Variants in LRRC4C observed in about 807,000 individuals in gnomAD.
LRRC4C encodes leucine rich repeat containing 4C, also known as leucine-rich repeat-containing protein 4C.
LRRC4C carries 5 observed loss-of-function variants against 33.6 expected under a neutral mutation model. The ratio of observed to expected loss-of-function variants is 0.15; its 90% confidence interval spans 0.08 to 0.31. The LOEUF (loss-of-function observed/expected upper bound fraction) is 0.31, where lower values mean the gene tolerates loss of function less well. Among genes scored for constraint, LRRC4C ranks in the 10% least tolerant of loss-of-function variants. LRRC4C has a pLI of 1.00. For synonymous variants in LRRC4C, 329 were observed against 302.0 expected (o/e 1.09, Z -0.93); for missense variants, 560 against 796.7 (o/e 0.70, Z 3.58).
intron 2 of LRRC4C, among the ~76,000 whole-genome samples, chr11:40,824,316 G>A (rs527761273): frequency 6.6e-6 from 1 of 151,886 alleles, no homozygotes; most frequent in South Asian, 2.1e-4. Flanking sequence ...CTGTTAAGAT[G>A]TATAGAATAT....
In LRRC4C at chr11:40,822,048, G is replaced by A. The variant is rs954143889; in HGVS notation, c.-407+111587C>T. On this transcript the variant is annotated intron_variant, in intron 2 of 6. Transcript: ENST00000528697. Reference sequence around the variant, plus strand: ...ATATTTTTTCTAGCTATTTTGGCATGCGCAATAAATTATTGTTAATTATGT... The same window carrying A: ...ATATTTTTTCTAGCTATTTTGGCATACGCAATAAATTATTGTTAATTATGT... Among the ~76,000 whole-genome samples the A allele has an allele frequency of 6.6e-5, 10 of 151,698 alleles. No homozygotes were observed. The East Asian group carries it at 1.6e-3, about 24-fold the overall frequency.
intron 1 of LRRC4C, among the ~76,000 whole-genome samples, chr11:41,103,114 T>C (rs1941295474): frequency 6.6e-6 from 1 of 152,008 alleles, no homozygotes; most frequent in Non-Finnish European, 1.5e-5. Context: ...AATTACAAAT[T>C]CTGTGACAAC....
intron 2 of LRRC4C, among the ~76,000 whole-genome samples, chr11:40,922,976 C>A (rs1957251998): frequency 6.6e-6 from 1 of 152,124 alleles, no homozygotes; most frequent in South Asian, 2.1e-4. Context: ...AGGCATACGC[C>A]ACCACACCCA....
intron 3 of LRRC4C, among the ~76,000 whole-genome samples, chr11:40,363,040 G>A (rs1274195054): frequency 6.6e-6 from 1 of 152,104 alleles, no homozygotes; most frequent in Non-Finnish European, 1.5e-5. Context: ...ATTCCACTGA[G>A]GAATCTCATT....
intron 2 of LRRC4C, among the ~76,000 whole-genome samples, chr11:40,738,650 C>T (rs1349122835): frequency 5.3e-5 from 8 of 151,998 alleles, no homozygotes; most frequent in Admixed American, 1.3e-4. Flanking sequence ...TAGCTCTCCC[C>T]AAAGTCTTTT....
At chr11:41,051,619 C>G (rs1268005031) in intron 1 of LRRC4C, among the ~76,000 whole-genome samples, 2 of 132,622 alleles carry the variant, frequency 1.5e-5, no homozygotes, top group Non-Finnish European at 3.2e-5. Flanking sequence ...TTTTTTCAAT[C>G]TAAATTCCAT....
intron 2 of LRRC4C, among the ~76,000 whole-genome samples, chr11:40,711,947 G>C (rs1307002588): frequency 6.6e-6 from 1 of 152,140 alleles, no homozygotes; most frequent in Non-Finnish European, 1.5e-5. Flanking sequence ...GAATTTTAAT[G>C]TTGCATTAAC....
intron 1 of LRRC4C, among the ~76,000 whole-genome samples, chr11:41,221,550 C>A (rs7932103): frequency 0.54 from 81,835 of 151,880 alleles, 24,330 homozygotes; most frequent in African/African-American, 0.79. Context: ...CCATTACTAG[C>A]TATATACCCA....
chr11:41,194,797 A>G (rs1946112239), intron 1 of LRRC4C, among the ~76,000 whole-genome samples: 1 of 152,162 alleles, frequency 6.6e-6, no homozygotes, highest in Non-Finnish European at 1.5e-5. Context: ...AGAAACTATA[A>G]TATCATGAAT....
chr11:40,970,584 C>T (rs941887685), intron 1 of LRRC4C, among the ~76,000 whole-genome samples: 1 of 152,122 alleles, frequency 6.6e-6, no homozygotes, highest in Non-Finnish European at 1.5e-5. Context: ...AGCAAAGGGA[C>T]ATTGCTATAA....
intron 2 of LRRC4C, among the ~76,000 whole-genome samples, chr11:40,856,559 A>T (rs927402111): frequency 6.6e-6 from 1 of 152,216 alleles, no homozygotes; most frequent in African/African-American, 2.4e-5. Flanking sequence ...AGGAATATCC[A>T]CTTTCTTGTT....
chr11:40,550,765 A>G (rs547516933), intron 3 of LRRC4C, among the ~76,000 whole-genome samples: 1 of 152,088 alleles, frequency 6.6e-6, no homozygotes, highest in East Asian at 1.9e-4. Context: ...GGGTTTATTC[A>G]TAAACACAGG....
At chr11:40,471,440 T>G (rs1475740708) in intron 3 of LRRC4C, among the ~76,000 whole-genome samples, 1 of 152,136 alleles carries the variant, frequency 6.6e-6, no homozygotes, top group Non-Finnish European at 1.5e-5. Context: ...ACATACCAAA[T>G]TGTAAAGGCC....
chr11:40,391,472 G>A (rs951339805), intron 3 of LRRC4C, among the ~76,000 whole-genome samples: 5 of 152,168 alleles, frequency 3.3e-5, no homozygotes, highest in Admixed American at 6.5e-5. Context: ...TTATAACAAC[G>A]CTGTGATGTA....
intron 1 of LRRC4C, among the ~76,000 whole-genome samples, chr11:41,184,381 C>A (rs1047561129): frequency 6.6e-6 from 1 of 152,034 alleles, no homozygotes; most frequent in Non-Finnish European, 1.5e-5. Flanking sequence ...TGCTTTGCTG[C>A]TTAGAAATTT....
At chr11:40,965,126 G>A (rs1399322346) in intron 1 of LRRC4C, among the ~76,000 whole-genome samples, 1 of 152,120 alleles carries the variant, frequency 6.6e-6, no homozygotes, top group Non-Finnish European at 1.5e-5. Flanking sequence ...GGCCAGTGAT[G>A]ATGAGCATTT....
At position 40,538,178 on chromosome 11, in the gene LRRC4C, T is replaced by C. The variant is rs78184293; in HGVS notation, c.-270+109964A>G. ...AATCTTTCTAACATTCTCCAGGTGA[T>C]TCTAACATGCAACCAAGTCTGAGAA... On this transcript the variant is annotated intron_variant, in intron 3 of 6. Transcript: ENST00000528697. 1.5e-3 allele frequency among the ~76,000 whole-genome samples: 227 copies of C among 152,262 alleles called. 2 individuals are homozygous for C. In the East Asian group the frequency reaches 0.031, roughly 21 times the overall value.
intron 3 of LRRC4C, among the ~76,000 whole-genome samples, chr11:40,492,647 T>C (rs796624028): frequency 2.0e-4 from 31 of 152,252 alleles, no homozygotes; most frequent in African/African-American, 6.5e-4. Flanking sequence ...CTTTTAAAAA[T>C]CTTTCTAGGT....
At chr11:40,265,297 T>A (rs1942165534) in intron 4 of LRRC4C, among the ~76,000 whole-genome samples, 1 of 152,238 alleles carries the variant, frequency 6.6e-6, no homozygotes, top group Non-Finnish European at 1.5e-5. Context: ...CTTGTGCATT[T>A]ATGTGCGGAC....
Sources: gnomAD v4.1 joint callset for allele counts (sites outside exome capture counted in the v4.1 genomes callset) on GRCh38, gnomAD v4.1.1 for gene constraint, MANE v1.5 for transcripts, NCBI Gene and HGNC (gene_info 2026-07-23, HGNC 2026-07-21) for gene names.